SYN3: variants seen among roughly 807,000 people sequenced by gnomAD.
SYN3 encodes the protein synapsin III.
In SYN3, 35 loss-of-function variants were observed where a neutral mutation model predicts 65.8. The ratio of observed to expected loss-of-function variants is 0.53; its 90% confidence interval spans 0.41 to 0.70. The LOEUF is 0.70. Ranked by LOEUF, SYN3 falls within the 30% of genes least tolerant of loss-of-function variation. The pLI, the probability that SYN3 is intolerant of heterozygous loss-of-function variation, is 0.00. For synonymous variants in SYN3, 270 were observed against 292.9 expected, an observed-to-expected ratio of 0.92 and a Z score of 0.80; for missense variants, 680 against 749.0, an observed-to-expected ratio of 0.91 and a Z score of 1.08.
chr22:32,612,391 A>G (rs62232744), intron 6 of SYN3, among the ~76,000 whole-genome samples: 35,423 of 152,122 alleles, frequency 0.23, 4,310 homozygotes, highest in Middle Eastern at 0.32. Context: ...CTAACTCCAG[A>G]TAGTTAGTGT....
At chr22:32,954,152 A>G (rs1001650371) in intron 3 of SYN3, among the ~76,000 whole-genome samples, 9 of 149,194 alleles carry the variant, frequency 6.0e-5, no homozygotes, top group African/African-American at 2.2e-4. Flanking sequence ...CAAAACAAAA[A>G]CCGCACCTGA....
chr22:33,028,643 A>ATGGTGGTGGTGGTGGTGGTGGTGG (rs133971), intron 1 of SYN3, among the ~76,000 whole-genome samples: 62 of 93,128 alleles, frequency 6.7e-4, no homozygotes, highest in Non-Finnish European at 1.1e-3. Flanking sequence ...AAGAACCATG[A>ATGGTGGTGGTGGTGGTGGTGGTGG]TGGTGGTGGT....
intron 3 of SYN3, among the ~76,000 whole-genome samples, chr22:32,951,837 C>T (rs2051299740): frequency 6.6e-6 from 1 of 152,334 alleles, no homozygotes; most frequent in South Asian, 2.1e-4. Context: ...TGTCTTTCAC[C>T]TTCCCGGTCT....
rs544909035 is a variant in SYN3, at chr22:32,513,781, A to G, written c.1654T>C (p.Ser552Pro). 3 of 1,614,074 alleles carry G rather than the reference A, an allele frequency of 1.9e-6. No individual in the cohort carries two copies. In the Admixed American group the frequency reaches 5.0e-5, roughly 27 times the overall value. ...TCTTCACTTGGGGTCCCACGCTGGGAGGTGTCGGATGTGCTGAGGCTGTTA... is the reference window on the plus strand; with the variant it reads ...TCTTCACTTGGGGTCCCACGCTGGGGGGTGTCGGATGTGCTGAGGCTGTTA... ...LTNSLSTSDT[S>P]QRGTPSEDEA... is the part of the protein sequence containing the mutation. The change falls in exon 14 of 14, where the codon TCC becomes CCC. Residue 552 changes from serine to proline, a missense_variant. By Grantham distance (74) the Ser-to-Pro change is moderately conservative. Coordinates refer to ENST00000358763, the MANE Select transcript of SYN3 (RefSeq NM_003490.4).
intron 4 of SYN3, among the ~76,000 whole-genome samples, chr22:32,875,718 T>C (rs1328684126): frequency 6.6e-6 from 1 of 152,086 alleles, no homozygotes; most frequent in Non-Finnish European, 1.5e-5. Context: ...GTGTCTATAA[T>C]ACAGGGAATT....
rs577877147 is a variant in SYN3 at position 32,701,367 on chromosome 22, T to C, written c.712-104631A>G. Among the ~76,000 whole-genome samples the C allele has an allele frequency of 1.1e-4, 16 of 152,058 alleles. No individual in the cohort carries two copies. In the South Asian group the frequency reaches 3.3e-3, roughly 32 times the overall value. On this transcript the variant is annotated intron_variant, in intron 6 of 13. Coordinates refer to ENST00000358763, the MANE Select transcript of SYN3 (RefSeq NM_003490.4). ...AATCCACCACCTAAGAACATAAAAA[T>C]CACAATACCCAGCATCCAGTAAAAA...
At chr22:32,675,762 C>T (rs2060431648) in intron 6 of SYN3, among the ~76,000 whole-genome samples, 1 of 151,494 alleles carries the variant, frequency 6.6e-6, no homozygotes, top group Non-Finnish European at 1.5e-5. Context: ...TGTTTTTCTT[C>T]TCACTGCAAA....
chr22:32,708,329 G>C (rs1352080234), intron 6 of SYN3, among the ~76,000 whole-genome samples: 1 of 152,184 alleles, frequency 6.6e-6, no homozygotes, highest in African/African-American at 2.4e-5. Flanking sequence ...TAAATTATCT[G>C]CAGACAATGC....
rs1332495860 is a variant in SYN3, at chr22:32,812,718, C to T, written c.711+52197G>A. 2.0e-5 allele frequency among the ~76,000 whole-genome samples: 3 copies of T among 152,204 alleles called. No homozygotes were observed. The East Asian group carries it at 5.8e-4, about 29-fold the overall frequency. ...CATGGAAGTCTGGCTCAGATGAACA[C>T]ATGTGTGATCTGATGGAACCTTTGT... On this transcript the variant is annotated intron_variant, in intron 6 of 13. Coordinates refer to ENST00000358763, the MANE Select transcript of SYN3 (RefSeq NM_003490.4).
chr22:32,685,468 C>T (rs967871845), intron 6 of SYN3, among the ~76,000 whole-genome samples: 2 of 152,218 alleles, frequency 1.3e-5, no homozygotes, highest in Admixed American at 6.5e-5. Context: ...TGGAGCTGCC[C>T]TATACAGGTG....
rs1451420447 is a variant in SYN3 at position 32,508,605 on chromosome 22, A to G, written c.*5087T>C. Among the ~76,000 whole-genome samples the G allele has an allele frequency of 6.6e-6, 1 of 151,870 alleles. No individual in the cohort carries two copies. The highest frequency in any genetic ancestry group is 1.5e-5 in the Non-Finnish European group (1 of 67,972). On this transcript the variant is annotated 3_prime_UTR_variant, in exon 14 of 14. Coordinates refer to ENST00000358763, the MANE Select transcript of SYN3 (RefSeq NM_003490.4). ...TTTTGAGGTTGAAAACCTGCCATTGATCTTCTTCCGCTTCTTTTCTCTATC... is the reference window on the plus strand; with the variant it reads ...TTTTGAGGTTGAAAACCTGCCATTGGTCTTCTTCCGCTTCTTTTCTCTATC...
chr22:32,517,138 C>G (rs9621475), intron 13 of SYN3, among the ~76,000 whole-genome samples: 30,847 of 152,134 alleles, frequency 0.2, 3,347 homozygotes, highest in African/African-American at 0.26. Flanking sequence ...TGAGATGTGA[C>G]TTCATGGCTC....
At chr22:32,772,833 C>T (rs967915693) in intron 6 of SYN3, among the ~76,000 whole-genome samples, 23 of 152,082 alleles carry the variant, frequency 1.5e-4, no homozygotes, top group Non-Finnish European at 2.8e-4. Context: ...GGATGCCCTG[C>T]CAACATCTTG....
intron 6 of SYN3, among the ~76,000 whole-genome samples, chr22:32,726,775 C>G (rs1002992401): frequency 1.3e-5 from 2 of 152,128 alleles, no homozygotes; most frequent in African/African-American, 4.8e-5. Flanking sequence ...CCTGAAGAAA[C>G]TATTTAAGGG....
At chr22:32,632,742 G>T (rs2059763048) in intron 6 of SYN3, among the ~76,000 whole-genome samples, 1 of 152,158 alleles carries the variant, frequency 6.6e-6, no homozygotes, top group Non-Finnish European at 1.5e-5. Context: ...CCTGGCTCAA[G>T]GTTTGATTGT....
chr22:32,774,886 A>G (rs1462763371), intron 6 of SYN3, among the ~76,000 whole-genome samples: 4 of 152,096 alleles, frequency 2.6e-5, no homozygotes. Flanking sequence ...GTGTTTAGAA[A>G]CTGAACAGGG....
At chr22:32,593,906 G>A (rs2146571273) in intron 7 of SYN3, among the ~76,000 whole-genome samples, 1 of 152,250 alleles carries the variant, frequency 6.6e-6, no homozygotes, top group Middle Eastern at 3.4e-3. Context: ...AGTGGCAAGA[G>A]ACAGAGAGGA....
intron 4 of SYN3, among the ~76,000 whole-genome samples, chr22:32,930,686 A>T (rs2050602472): frequency 6.6e-6 from 1 of 151,952 alleles, no homozygotes; most frequent in Admixed American, 6.6e-5. Context: ...CCAAATCTGA[A>T]TCCTGTCTCT....
In SYN3 at chr22:32,510,098, T is replaced by C. The variant is rs1180945784; in HGVS notation, c.*3594A>G. ...TAGGAATATGGGAGAATTTAGGCCA[T>C]GTGGTCATTGTTCACGGGGCCACTA... On this transcript the variant is annotated 3_prime_UTR_variant, in exon 14 of 14. Transcript: ENST00000358763. Among the ~76,000 whole-genome samples the C allele has an allele frequency of 6.6e-6, 1 of 152,122 alleles. No individual in the cohort carries two copies. Among genetic ancestry groups the C allele is most frequent in the Non-Finnish European group, 1.5e-5 (1 of 68,020 alleles).
Sources: allele counts gnomAD v4.1 joint callset (sites outside exome capture counted in the v4.1 genomes callset), GRCh38; gene constraint gnomAD v4.1.1; transcripts MANE v1.5; gene names NCBI Gene and HGNC (gene_info 2026-07-23, HGNC 2026-07-21).